Variants in STXBP5L observed in about 807,000 individuals in gnomAD.
The protein encoded by STXBP5L is syntaxin-binding protein 5-like.
Under a neutral mutation model 144.5 loss-of-function variants are expected in STXBP5L, and 65 were observed. That is an observed-to-expected ratio of 0.45 (90% confidence interval 0.37 to 0.55). The LOEUF (loss-of-function observed/expected upper bound fraction) is 0.55. STXBP5L is among the 20% of genes least tolerant of loss of function. STXBP5L has a pLI of 0.00. For missense variants in STXBP5L, 1,298 were observed against 1,405.5 expected, an observed-to-expected ratio of 0.92 and a Z score of 1.22; for synonymous variants, 505 against 469.6, an observed-to-expected ratio of 1.08 and a Z score of -0.97.
chr3:120,915,027 A>G (rs1490905767), intron 2 of STXBP5L, among the ~76,000 whole-genome samples: 3 of 152,118 alleles, frequency 2.0e-5, no homozygotes, highest in Non-Finnish European at 4.4e-5. Flanking sequence ...AGTTACCTAG[A>G]GGGCAATCAC....
intron 2 of STXBP5L, among the ~76,000 whole-genome samples, chr3:120,925,862 A>T (rs546488106): frequency 6.6e-6 from 1 of 152,226 alleles, no homozygotes; most frequent in African/African-American, 2.4e-5. Flanking sequence ...TCTTATAGAT[A>T]TAACAAGTTT....
chr3:121,020,738 C>A (rs1241224910), intron 3 of STXBP5L, among the ~76,000 whole-genome samples: 2 of 151,852 alleles, frequency 1.3e-5, no homozygotes, highest in Non-Finnish European at 2.9e-5. Flanking sequence ...ACCAAGCCAG[C>A]ACCACAAGAA....
chr3:121,056,183 A>G (rs1274151189), intron 5 of STXBP5L, among the ~76,000 whole-genome samples: 3 of 152,188 alleles, frequency 2.0e-5, no homozygotes, highest in Non-Finnish European at 4.4e-5. Context: ...AATAGGGAAG[A>G]AAAAATGTCT....
chr3:121,073,783 T>A (rs2041907201), intron 5 of STXBP5L, among the ~76,000 whole-genome samples: 1 of 152,174 alleles, frequency 6.6e-6, no homozygotes, highest in African/African-American at 2.4e-5. Context: ...AATCCAAATG[T>A]GACAGAAACC....
chr3:121,324,436 T>C (rs2044077691), intron 20 of STXBP5L: 2 of 620,664 alleles, frequency 3.2e-6, no homozygotes, highest in South Asian at 1.9e-5. Flanking sequence ...ATAAAAATTA[T>C]TGGTTCACTT....
chr3:121,303,716 A>AT lies in STXBP5L; in HGVS notation c.2111-14758dup, dbSNP rs548280802. On this transcript the variant is annotated intron_variant, in intron 19 of 26. Coordinates refer to ENST00000471454, the MANE Select transcript of STXBP5L (RefSeq NM_001308330.2). ...TGCAGCCATAAAAATGGATGAGTTC[A>AT]TGTCCTTTGTAGGGACATGGATGAA... Among the ~76,000 whole-genome samples the AT allele has an allele frequency of 5.4e-3, 818 of 152,312 alleles. 11 individuals are homozygous for AT. Among genetic ancestry groups the AT allele is most frequent in the African/African-American group, 0.019 (784 of 41,572 alleles).
At chr3:121,120,747 T>C (rs1164756087) in intron 6 of STXBP5L, among the ~76,000 whole-genome samples, 1 of 151,214 alleles carries the variant, frequency 6.6e-6, no homozygotes, top group African/African-American at 2.4e-5. Flanking sequence ...CTTCATTGTT[T>C]TGTATAGAAT....
chr3:120,993,683 A>C (rs955553242), intron 3 of STXBP5L, among the ~76,000 whole-genome samples: 7 of 151,992 alleles, frequency 4.6e-5, no homozygotes, highest in African/African-American at 1.7e-4. Context: ...TATCCATATC[A>C]TGCTGTTTTG....
chr3:121,091,649 G>C (rs1407800748), intron 5 of STXBP5L, among the ~76,000 whole-genome samples: 2 of 152,026 alleles, frequency 1.3e-5, no homozygotes, highest in African/African-American at 4.8e-5. Context: ...AAATTTGTTT[G>C]AGTTCATCAT....
intron 10 of STXBP5L, among the ~76,000 whole-genome samples, chr3:121,206,959 C>T (rs1296679488): frequency 1.3e-5 from 2 of 151,980 alleles, no homozygotes; most frequent in Non-Finnish European, 2.9e-5. Flanking sequence ...TTAAATAATC[C>T]TAGTTTATAT....
At chr3:121,346,087 A>C (rs2044957116) in intron 20 of STXBP5L, among the ~76,000 whole-genome samples, 2 of 151,250 alleles carry the variant, frequency 1.3e-5, no homozygotes, top group South Asian at 2.1e-4. Context: ...TATATCTCCT[A>C]ATGCTATCCC....
intron 19 of STXBP5L, among the ~76,000 whole-genome samples, chr3:121,284,665 G>T (rs191272072): frequency 6.6e-6 from 1 of 152,212 alleles, no homozygotes; most frequent in African/African-American, 2.4e-5. Flanking sequence ...CACATGAACT[G>T]CCAGAAAACT....
rs1947452462 is a variant in STXBP5L, at chr3:121,045,485, T to G, written c.420T>G (p.Leu140=). 5 of 1,613,274 alleles carry G rather than the reference T, an allele frequency of 3.1e-6. No homozygotes were observed. The highest frequency in any genetic ancestry group is 3.3e-5 in the Admixed American group (2 of 59,958). The part of the protein sequence containing the change: ...SSDDTLHLWN[L]RQKRPAILHS... ...ATGATACACTTCATTTGTGGAACCT[T>G]AGACAAAAAAGGCCAGCCATACTCC... Residue 140 remains leucine, a synonymous_variant, in exon 5 of 27, where the codon CTT becomes CTG. Coordinates refer to ENST00000471454, the MANE Select transcript of STXBP5L (RefSeq NM_001308330.2).
At chr3:121,412,637 C>T (rs1266570713) in intron 23 of STXBP5L, among the ~76,000 whole-genome samples, 1 of 134,200 alleles carries the variant, frequency 7.5e-6, no homozygotes, top group East Asian at 2.3e-4. Flanking sequence ...GGTTTATTGA[C>T]ATTAGTATTT....
intron 7 of STXBP5L, among the ~76,000 whole-genome samples, chr3:121,131,519 C>T (rs2044987735): frequency 6.6e-6 from 1 of 152,092 alleles, no homozygotes; most frequent in African/African-American, 2.4e-5. Context: ...TATGGCCTGC[C>T]TGTTATTATT....
chr3:121,344,278 C>T (rs909856311), intron 20 of STXBP5L, among the ~76,000 whole-genome samples: 2 of 152,108 alleles, frequency 1.3e-5, no homozygotes, highest in Non-Finnish European at 2.9e-5. Context: ...AAACATTAGA[C>T]CTAAAACCAT....
intron 6 of STXBP5L, among the ~76,000 whole-genome samples, chr3:121,115,967 C>A (rs1205508123): frequency 6.6e-6 from 1 of 152,064 alleles, no homozygotes; most frequent in East Asian, 1.9e-4. Flanking sequence ...TGGTGCTAAA[C>A]CATTCAAGAG....
chr3:121,098,690 T>A lies in STXBP5L; in HGVS notation c.471-16235T>A, dbSNP rs1254271528. Among the ~76,000 whole-genome samples, 7 of 152,146 alleles carry A rather than the reference T, an allele frequency of 4.6e-5. No individual in the cohort carries two copies. In the East Asian group the frequency reaches 1.3e-3, roughly 29 times the overall value. ...GTTCAAGTTTTGTCGGGAATACCTT[T>A]GTAGGGTTGGCCTGGCCTGCTCCAC... is the stretch of plus-strand genomic sequence containing the variant. On this transcript the variant is annotated intron_variant, in intron 5 of 26. Transcript: ENST00000471454.
chr3:121,180,706 C>A (rs2047107420), intron 9 of STXBP5L, among the ~76,000 whole-genome samples: 1 of 152,112 alleles, frequency 6.6e-6, no homozygotes. Context: ...GAAACCCCGT[C>A]TCTACTGAAA....
Sources: gnomAD v4.1 joint callset for allele counts (sites outside exome capture counted in the v4.1 genomes callset) on GRCh38, gnomAD v4.1.1 for gene constraint, MANE v1.5 for transcripts, NCBI Gene and HGNC (gene_info 2026-07-23, HGNC 2026-07-21) for gene names.